Variants in PCCA observed in about 807,000 individuals in gnomAD.
PCCA encodes propionyl-CoA carboxylase alpha chain, mitochondrial.
Under a neutral mutation model 101.3 loss-of-function variants are expected in PCCA, and 74 were observed. The ratio of observed to expected loss-of-function variants is 0.73; its 90% confidence interval spans 0.61 to 0.89. The LOEUF is 0.89. PCCA is among the 40% of genes least tolerant of loss of function. The pLI is 0.00. For synonymous variants in PCCA, 294 were observed against 313.6 expected, an observed-to-expected ratio of 0.94 and a Z score of 0.66; for missense variants, 891 against 907.0, an observed-to-expected ratio of 0.98 and a Z score of 0.23.
chr13:100,517,091 T>TGTGTG (rs2086892804), intron 22 of PCCA, among the ~76,000 whole-genome samples: 1 of 88,980 alleles, frequency 1.1e-5, no homozygotes. Flanking sequence ...GTGTGTGTGT[T>TGTGTG]TCAAGTAAGT....
At chr13:100,286,403 A>G (rs976344415) in intron 12 of PCCA, among the ~76,000 whole-genome samples, 3 of 152,134 alleles carry the variant, frequency 2.0e-5, no homozygotes, top group Non-Finnish European at 2.9e-5. Context: ...ACTAAATCCA[A>G]TTGGCTAATT....
intron 12 of PCCA, among the ~76,000 whole-genome samples, chr13:100,283,033 C>T (rs2064268955): frequency 6.6e-6 from 1 of 152,026 alleles, no homozygotes; most frequent in African/African-American, 2.4e-5. Context: ...ATGTCCCCTT[C>T]TCCCTCTCTG....
At chr13:100,223,185 A>T (rs1409778611) in intron 7 of PCCA, among the ~76,000 whole-genome samples, 1 of 152,134 alleles carries the variant, frequency 6.6e-6, no homozygotes, top group East Asian at 1.9e-4. Flanking sequence ...ATCAATGAAT[A>T]ACATGCCACA....
At chr13:100,437,098 A>G (rs1021160133) in intron 20 of PCCA, among the ~76,000 whole-genome samples, 2 of 151,842 alleles carry the variant, frequency 1.3e-5, no homozygotes, top group Non-Finnish European at 2.9e-5. Context: ...GATAGTATCA[A>G]TAGGTGTAGG....
chr13:100,354,905 T>C (rs2073802691), intron 18 of PCCA, among the ~76,000 whole-genome samples: 1 of 152,096 alleles, frequency 6.6e-6, no homozygotes, highest in Non-Finnish European at 1.5e-5. Flanking sequence ...GTTAAAAAAG[T>C]TAAAGGAAAA....
chr13:100,528,082 A>C (rs2088003675), intron 23 of PCCA, among the ~76,000 whole-genome samples: 1 of 152,250 alleles, frequency 6.6e-6, no homozygotes, highest in Non-Finnish European at 1.5e-5. Context: ...TCTGAGACTT[A>C]GGTGACACAG....
At chr13:100,118,425 C>T (rs756714064) in intron 4 of PCCA, among the ~76,000 whole-genome samples, 2 of 151,918 alleles carry the variant, frequency 1.3e-5, no homozygotes, top group African/African-American at 2.4e-5. Context: ...CCCTATTCTC[C>T]CTCTTTTTTT....
chr13:100,212,929 T>C (rs778046699), intron 7 of PCCA, among the ~76,000 whole-genome samples: 1 of 151,806 alleles, frequency 6.6e-6, no homozygotes, highest in Non-Finnish European at 1.5e-5. Context: ...CTACTCTCTA[T>C]CACTGTGAGT....
chr13:100,496,535 G>A (rs911094824), intron 21 of PCCA, among the ~76,000 whole-genome samples: 8 of 152,014 alleles, frequency 5.3e-5, no homozygotes, highest in African/African-American at 9.7e-5. Flanking sequence ...GTCCCCTCTC[G>A]GGAGGCGCAT....
chr13:100,224,147 G>A (rs1346838423), intron 7 of PCCA, among the ~76,000 whole-genome samples: 1 of 152,222 alleles, frequency 6.6e-6, no homozygotes. Context: ...CCCAGGGAGG[G>A]GGTGGGAGGC....
intron 19 of PCCA, among the ~76,000 whole-genome samples, chr13:100,400,187 T>G (rs2077256260): frequency 6.6e-6 from 1 of 152,166 alleles, no homozygotes; most frequent in Non-Finnish European, 1.5e-5. Flanking sequence ...ATATAGAGGT[T>G]TATTAAACCA....
At chr13:100,521,674 A>G (rs959861950) in intron 22 of PCCA, among the ~76,000 whole-genome samples, 3 of 152,210 alleles carry the variant, frequency 2.0e-5, no homozygotes, top group African/African-American at 7.2e-5. Context: ...TCAATCTGAG[A>G]TGCCTTTTTT....
intron 12 of PCCA, among the ~76,000 whole-genome samples, chr13:100,282,429 T>G (rs976146853): frequency 3.9e-5 from 6 of 152,186 alleles, no homozygotes; most frequent in Admixed American, 6.5e-5. Flanking sequence ...TCTCTCAGCT[T>G]GCAGGGAGGT....
intron 20 of PCCA, among the ~76,000 whole-genome samples, chr13:100,442,611 G>A (rs1374834101): frequency 6.6e-6 from 1 of 152,192 alleles, no homozygotes; most frequent in Non-Finnish European, 1.5e-5. Context: ...CCTAGGCAGT[G>A]TTCTAGACTC....
Position 100,394,610 on chromosome 13 carries a change from C to T in PCCA, c.1746+26036C>T, listed in dbSNP as rs1387832300. On this transcript the variant is annotated intron_variant, in intron 19 of 23. Transcript: ENST00000376285. The surrounding 1 kb of genome is among the most constrained non-coding windows in gnomAD (Gnocchi z 4.3). Reference sequence around the variant, plus strand: ...GTTTGTTTCAGAAGCTTATATTAACCACAAAAACAAAGTGAATCAACTAAC... The same window carrying T: ...GTTTGTTTCAGAAGCTTATATTAACTACAAAAACAAAGTGAATCAACTAAC... Among the ~76,000 whole-genome samples the T allele has an allele frequency of 2.0e-5, 3 of 152,098 alleles. No individual in the cohort carries two copies. The highest frequency in any genetic ancestry group is 4.8e-5 in the African/African-American group (2 of 41,396).
chr13:100,302,373 C>T (rs2066131708), intron 13 of PCCA, among the ~76,000 whole-genome samples: 1 of 151,740 alleles, frequency 6.6e-6, no homozygotes, highest in Non-Finnish European at 1.5e-5. Context: ...ATTGCTCTTG[C>T]TTTTTTCATA....
At chr13:100,402,052 C>T (rs1369320732) in intron 19 of PCCA, among the ~76,000 whole-genome samples, 2 of 151,964 alleles carry the variant, frequency 1.3e-5, no homozygotes, top group Non-Finnish European at 2.9e-5. Flanking sequence ...GTGTGGATCC[C>T]TTGTAGATTT....
intron 2 of PCCA, among the ~76,000 whole-genome samples, chr13:100,110,899 C>T (rs9557381): frequency 2.6e-5 from 4 of 151,898 alleles, no homozygotes; most frequent in Non-Finnish European, 5.9e-5. Context: ...CCTCCGCCTC[C>T]CAGGTTCAAG....
At chr13:100,512,084 G>A (rs1467442319) in intron 21 of PCCA, among the ~76,000 whole-genome samples, 4 of 152,104 alleles carry the variant, frequency 2.6e-5, no homozygotes, top group Admixed American at 6.5e-5. Flanking sequence ...ACTAGCCGCC[G>A]CCTCCTGCTG....
Sources: allele counts gnomAD v4.1 joint callset (sites outside exome capture counted in the v4.1 genomes callset), GRCh38; gene constraint gnomAD v4.1.1; non-coding constraint Gnocchi (gnomAD v3.1); transcripts MANE v1.5; gene names NCBI Gene and HGNC (gene_info 2026-07-23, HGNC 2026-07-21).